The following ZFAND3 variants were observed in gnomAD, a reference collection of about 807,000 sequenced individuals.
ZFAND3 encodes the protein AN1-type zinc finger protein 3.
Under a neutral mutation model 29.6 loss-of-function variants are expected in ZFAND3, and 10 were observed. The ratio of observed to expected loss-of-function variants is 0.34; its 90% CI spans 0.21 to 0.57. The LOEUF is 0.57. ZFAND3 is among the 20% of genes least tolerant of loss of function. ZFAND3 has a pLI of 0.86. For missense variants in ZFAND3, 230 were observed against 304.5 expected (o/e 0.76, Z 1.82); for synonymous variants, 128 against 112.6 (o/e 1.14, Z -0.87).
intron 2 of ZFAND3, among the ~76,000 whole-genome samples, chr6:38,010,117 A>G (rs1265587699): frequency 6.6e-6 from 1 of 152,188 alleles, no homozygotes; most frequent in Non-Finnish European, 1.5e-5. Flanking sequence ...GCACAAGATA[A>G]TATTTACCCA....
chr6:37,847,324 C>G (rs1365979845), intron 1 of ZFAND3, among the ~76,000 whole-genome samples: 1 of 152,006 alleles, frequency 6.6e-6, no homozygotes, highest in Non-Finnish European at 1.5e-5. Flanking sequence ...GCCTGTAATC[C>G]CAGCACTATG....
At chr6:37,887,076 A>G (rs1765008569) in intron 1 of ZFAND3, among the ~76,000 whole-genome samples, 1 of 152,216 alleles carries the variant, frequency 6.6e-6, no homozygotes, top group Non-Finnish European at 1.5e-5. Flanking sequence ...CTGGTAATGT[A>G]TTATCAATCT....
At chr6:37,980,495 T>G (rs1762561168) in intron 2 of ZFAND3, among the ~76,000 whole-genome samples, 1 of 152,234 alleles carries the variant, frequency 6.6e-6, no homozygotes. Flanking sequence ...TCACTTGATT[T>G]GAAGCAAGTA....
intron 1 of ZFAND3, among the ~76,000 whole-genome samples, chr6:37,879,517 A>C (rs1451564534): frequency 6.6e-6 from 1 of 152,126 alleles, no homozygotes; most frequent in East Asian, 1.9e-4. Context: ...TCTCTGTGTA[A>C]CTGACAAATA....
At chr6:37,966,675 C>T (rs557557738) in intron 2 of ZFAND3, among the ~76,000 whole-genome samples, 1 of 152,238 alleles carries the variant, frequency 6.6e-6, no homozygotes, top group South Asian at 2.1e-4. Flanking sequence ...CTATCACTCC[C>T]AAATACTTTA....
At chr6:37,991,211 T>A (rs1762753072) in intron 2 of ZFAND3, among the ~76,000 whole-genome samples, 1 of 152,186 alleles carries the variant, frequency 6.6e-6, no homozygotes, top group Non-Finnish European at 1.5e-5. Flanking sequence ...ACTCAGCGTC[T>A]TGACTCATTG....
chr6:38,059,812 G>T (rs1764199937), intron 2 of ZFAND3, among the ~76,000 whole-genome samples: 2 of 152,080 alleles, frequency 1.3e-5, no homozygotes, highest in Non-Finnish European at 2.9e-5. Context: ...GGAGACGGAG[G>T]TTGCAGTGAG....
At chr6:38,144,813 A>C (rs1245925739) in intron 5 of ZFAND3, among the ~76,000 whole-genome samples, 2 of 152,222 alleles carry the variant, frequency 1.3e-5, no homozygotes, top group Non-Finnish European at 2.9e-5. Flanking sequence ...GCAAATGTTT[A>C]ATTTATTATA....
At chr6:37,821,331 T>C (rs1171956105) in intron 1 of ZFAND3, among the ~76,000 whole-genome samples, 1 of 152,204 alleles carries the variant, frequency 6.6e-6, no homozygotes, top group Admixed American at 6.5e-5. Flanking sequence ...AGGACATTAG[T>C]CAAAAATAAG....
intron 2 of ZFAND3, among the ~76,000 whole-genome samples, chr6:37,964,686 G>A (rs994479288): frequency 6.6e-6 from 1 of 152,168 alleles, no homozygotes; most frequent in Admixed American, 6.5e-5. Context: ...CATATTCAAA[G>A]AACACCAACT....
At chr6:38,035,491 T>C (rs1003415784) in intron 2 of ZFAND3, among the ~76,000 whole-genome samples, 30 of 152,104 alleles carry the variant, frequency 2.0e-4, no homozygotes, top group African/African-American at 7.0e-4. Flanking sequence ...GGAGAGAGGG[T>C]GATTTGTTTT....
At chr6:38,094,216 G>T (rs1169479516) in intron 4 of ZFAND3, among the ~76,000 whole-genome samples, 1 of 152,088 alleles carries the variant, frequency 6.6e-6, no homozygotes, top group Non-Finnish European at 1.5e-5. Context: ...ATTGTGGACT[G>T]AGGAGGGAAG....
chr6:38,105,810 C>T (rs920814316), intron 4 of ZFAND3, among the ~76,000 whole-genome samples: 7 of 152,096 alleles, frequency 4.6e-5, no homozygotes, highest in Non-Finnish European at 7.4e-5. Flanking sequence ...AGAAAATGGG[C>T]TCGGAACATT....
At chr6:38,004,138 A>G (rs1051962452) in intron 2 of ZFAND3, among the ~76,000 whole-genome samples, 3 of 152,066 alleles carry the variant, frequency 2.0e-5, no homozygotes, top group African/African-American at 4.8e-5. Flanking sequence ...ATTTGGTGAC[A>G]TGGGGTTTAG....
At chr6:38,101,598 A>AC (rs1740095869) in intron 4 of ZFAND3, among the ~76,000 whole-genome samples, 1 of 151,918 alleles carries the variant, frequency 6.6e-6, no homozygotes, top group Non-Finnish European at 1.5e-5. Flanking sequence ...ACATGGTGAA[A>AC]CCCCATCTCT....
At chr6:38,085,094 A>G (rs557676886) in intron 4 of ZFAND3, among the ~76,000 whole-genome samples, 45 of 152,268 alleles carry the variant, frequency 3.0e-4, no homozygotes, top group African/African-American at 8.2e-4. Flanking sequence ...GGGGATTTCA[A>G]TCATTTTTCT....
In ZFAND3 at chr6:37,925,611, G is replaced by A. The variant is rs1010888953; in HGVS notation, c.72-4348G>A. Among the ~76,000 whole-genome samples, 8 of 152,016 alleles carry A rather than the reference G, an allele frequency of 5.3e-5. No homozygotes were observed. In the East Asian group the frequency reaches 5.8e-4, roughly 11 times the overall value. ...CCCAGCTACCTGGGAGGCTGAGGCC[G>A]GAGAATCGCTTGAACCCAGGAGGCG... On this transcript the variant is annotated intron_variant, in intron 1 of 5. Transcript: ENST00000287218.
At chr6:37,840,103 ATT>A (rs200573304) in intron 1 of ZFAND3, among the ~76,000 whole-genome samples, 1 of 144,878 alleles carries the variant, frequency 6.9e-6, no homozygotes. Context: ...TTGGTTATCT[ATT>A]TTTTTTTTTG....
At chr6:38,098,564 G>A (rs948320470) in intron 4 of ZFAND3, among the ~76,000 whole-genome samples, 3 of 151,080 alleles carry the variant, frequency 2.0e-5, no homozygotes, top group African/African-American at 4.9e-5. Flanking sequence ...GCAGTGGCAC[G>A]ATCTTGGCTC....
Sources: gnomAD v4.1 joint callset for allele counts (sites outside exome capture counted in the v4.1 genomes callset) on GRCh38, gnomAD v4.1.1 for gene constraint, MANE v1.5 for transcripts, NCBI Gene and HGNC (gene_info 2026-07-23, HGNC 2026-07-21) for gene names.